Variants in SEZ6 observed in about 807,000 individuals in gnomAD.
SEZ6 encodes the protein seizure related 6 homolog, also known as seizure protein 6 homolog.
SEZ6 carries 53 observed loss-of-function variants against 101.0 expected under a neutral mutation model. The observed-to-expected ratio is 0.52, with a 90% confidence interval of 0.42 to 0.66. The LOEUF (loss-of-function observed/expected upper bound fraction) is 0.66, where lower values mean the gene tolerates loss of function less well. Ranked by LOEUF, SEZ6 falls within the 30% of genes least tolerant of loss-of-function variation. The probability of loss-of-function intolerance (pLI) is 0.00; values close to 1 mark genes in which losing one functional copy is unlikely to be tolerated. For missense variants in SEZ6, 1,102 were observed against 1,289.4 expected (o/e 0.85, Z 2.23); for synonymous variants, 488 against 512.2 (o/e 0.95, Z 0.64).
intron 3 of SEZ6, among the ~76,000 whole-genome samples, chr17:28,978,453 G>A (rs112186116): frequency 3.3e-5 from 5 of 152,338 alleles, no homozygotes; most frequent in African/African-American, 1.2e-4. Context: ...AGCTAAGATG[G>A]GGGATGCCCC....
At chr17:28,993,472 G>C (rs2041492944) in intron 1 of SEZ6, among the ~76,000 whole-genome samples, 1 of 152,222 alleles carries the variant, frequency 6.6e-6, no homozygotes, top group Non-Finnish European at 1.5e-5. Context: ...CAGCAGCAGA[G>C]ACCATATTTC....
Position 28,956,427 on chromosome 17 carries a change from G to A in SEZ6, c.2772C>T (p.Ala924=), listed in dbSNP as rs1291567480. 6.4e-7 allele frequency: 1 copy of A among 1,564,254 alleles called. No individual in the cohort carries two copies. Among genetic ancestry groups the A allele is most frequent in the Admixed American group, 1.9e-5 (1 of 52,534 alleles). ...GCAAGAAGATGGCAGCTGCAATGTG[G>A]GCAGCATCCAGGGTGCTGGAGGCAG... ...APAASSTLDA[A]HIAAAIFLPL... Residue 924 remains alanine (A), a synonymous_variant, in exon 15 of 17, where the codon GCC becomes GCT. Coordinates refer to ENST00000317338, the MANE Select transcript of SEZ6 (RefSeq NM_178860.5).
chr17:28,979,285 A>T (rs2041265292), intron 3 of SEZ6, among the ~76,000 whole-genome samples: 1 of 152,194 alleles, frequency 6.6e-6, no homozygotes, highest in South Asian at 2.1e-4. Context: ...TCTGCATCCC[A>T]GAAGCCAGCA....
Position 28,958,139 on chromosome 17 carries a change from C to T in SEZ6, c.2110G>A (p.Val704Met), listed in dbSNP as rs1163868946. Reference protein sequence around the residue: ...QQGFVIHFFEVPRNDTCPELP... With the variant: ...QQGFVIHFFEMPRNDTCPELP... ...TCCGGACATGTGTCATTGCGGGGCA[C>T]CTCTGGGGGCACAGAGGCACAAGAT... The change falls in exon 11 of 17, where the codon GTG (valine) becomes ATG (methionine). Residue 704 changes from valine to methionine, a missense_variant and splice_region_variant. By Grantham distance (21) the Val-to-Met change is conservative. Transcript: ENST00000317338. The T allele has an allele frequency of 3.3e-5, 52 of 1,587,684 alleles. No individual in the cohort carries two copies. Among genetic ancestry groups the T allele is most frequent in the Non-Finnish European group, 4.4e-5 (51 of 1,160,032 alleles).
At position 28,981,769 on chromosome 17, in the gene SEZ6, C is replaced by T. The variant is rs779094846; in HGVS notation, c.326G>A (p.Arg109His). 20 of 1,611,634 alleles carry T rather than the reference C, an allele frequency of 1.2e-5. No individual in the cohort carries two copies. The highest frequency in any genetic ancestry group is 1.6e-4 in the Middle Eastern group (1 of 6,064). Reference protein sequence around the residue: ...PAPFTPSPLPRLANQDSRPVF... With the variant: ...PAPFTPSPLPHLANQDSRPVF... ...AGGGCGGCTGTCCTGGTTGGCCAGGCGGGGAAGGGGACTTGGGGTGAAGGG... is the reference window on the plus strand; with the variant it reads ...AGGGCGGCTGTCCTGGTTGGCCAGGTGGGGAAGGGGACTTGGGGTGAAGGG... The change falls in exon 2 of 17, where the codon CGC becomes CAC. Residue 109 changes from arginine to histidine, a missense_variant. Arg to His is a conservative substitution (Grantham distance 29, BLOSUM62 0). This residue lies in a region of SEZ6 where 406 missense variants were observed against 418.6 expected (regional missense o/e 0.97). Transcript: ENST00000317338.
chr17:28,961,912 G>T (rs187248009), intron 5 of SEZ6, among the ~76,000 whole-genome samples: 1 of 152,320 alleles, frequency 6.6e-6, no homozygotes, highest in African/African-American at 2.4e-5. Flanking sequence ...ACCTAGTAAA[G>T]CTCCTGGGGG....
chr17:28,955,417 A>G lies in SEZ6; in HGVS notation c.*545T>C, dbSNP rs1216429040. 5.9e-6 allele frequency: 2 copies of G among 339,620 alleles called. No homozygotes were observed. The highest frequency in any genetic ancestry group is 1.2e-5 in the Non-Finnish European group (2 of 170,358). 21.0% of individuals were successfully genotyped at this position (339,620 alleles called of 1,614,324 possible). A position where few individuals can be genotyped will look rare whatever the true frequency, so the allele number is the denominator to read the frequency against. ...CCACTGGGACAGGGCAGGAGGCAGAACTGTCCAGAACTTTAGAGAACTAGA... is the reference window on the plus strand; with the variant it reads ...CCACTGGGACAGGGCAGGAGGCAGAGCTGTCCAGAACTTTAGAGAACTAGA... On this transcript the variant is annotated 3_prime_UTR_variant, in exon 17 of 17. Transcript: ENST00000317338.
chr17:28,995,350 G>T (rs532756391), intron 1 of SEZ6, among the ~76,000 whole-genome samples: 2 of 152,076 alleles, frequency 1.3e-5, no homozygotes, highest in Non-Finnish European at 2.9e-5. Context: ...ATGTATGTGG[G>T]GGGGGGTGCA....
Position 28,957,081 on chromosome 17 carries a change from A to G in SEZ6, c.2656T>C (p.Ser886Pro). The G allele has an allele frequency of 6.2e-7, 1 of 1,608,308 alleles. No homozygotes were observed. Among genetic ancestry groups the G allele is most frequent in the Non-Finnish European group, 8.5e-7 (1 of 1,175,790 alleles). Residue 886 changes from serine to proline, a missense_variant, in exon 13 of 17, where the codon TCG (serine) becomes CCG (proline). This residue lies in a region of SEZ6 where 140 missense variants were observed against 135.7 expected (regional missense o/e 1.03). Coordinates refer to ENST00000317338, the MANE Select transcript of SEZ6 (RefSeq NM_178860.5). ...ATGGGTGGGGGGTCACTCCAATGCGAGGGGTGCCCAGGCACACACTTGATG... is the reference window on the plus strand; with the variant it reads ...ATGGGTGGGGGGTCACTCCAATGCGGGGGGTGCCCAGGCACACACTTGATG... ...ASIKCVPGHP[S>P]HWSDPPPICR...
chr17:28,990,088 CAAA>C (rs769598462), intron 1 of SEZ6, among the ~76,000 whole-genome samples: 4 of 151,502 alleles, frequency 2.6e-5, no homozygotes, highest in Admixed American at 6.6e-5. Context: ...CACACACACA[CAAA>C]AAAAAGAATG....
At chr17:28,970,094 T>G (rs2041130351) in intron 3 of SEZ6, 142 bp from the exon 4 acceptor site, 1 of 703,846 alleles carries the variant, frequency 1.4e-6, no homozygotes. Flanking sequence ...GGCCCTGAGC[T>G]GGGCACTTCA....
chr17:28,959,533 C>A lies in SEZ6; in HGVS notation c.1772-61G>T. ...AGCTTACCATGGTGTTGCTTACCAT[C>A]TGCCCGCAGGAGTGCCCACAAATTG... is the stretch of plus-strand genomic sequence containing the variant. On this transcript the variant is annotated intron_variant, in intron 8 of 16. Coordinates refer to ENST00000317338, the MANE Select transcript of SEZ6 (RefSeq NM_178860.5). This position sits in a 1 kb window ranked among gnomAD's most constrained non-coding sequence, Gnocchi z 4.4. 6.3e-7 allele frequency: 1 copy of A among 1,588,312 alleles called. No individual in the cohort carries two copies. The highest frequency in any genetic ancestry group is 1.1e-5 in the South Asian group (1 of 89,178).
chr17:28,963,835 G>C, intron 5 of SEZ6, 127 bp downstream of exon 5: 5 of 1,091,974 alleles, frequency 4.6e-6, no homozygotes, highest in Non-Finnish European at 6.7e-6. Flanking sequence ...ATGCCACTGA[G>C]GTGCATGGCC....
intron 3 of SEZ6, among the ~76,000 whole-genome samples, chr17:28,974,073 C>G (rs1385811295): frequency 2.6e-5 from 4 of 152,204 alleles, no homozygotes; most frequent in African/African-American, 9.7e-5. Flanking sequence ...CTCATCTGCC[C>G]TGTCTGTCCC....
rs1173709305 is a variant in SEZ6 at position 28,957,340 on chromosome 17, A to T, written c.2494+8T>A. 6.2e-7 allele frequency: 1 copy of T among 1,610,974 alleles called. No homozygotes were observed. Among genetic ancestry groups the T allele is most frequent in the Admixed American group, 1.7e-5 (1 of 59,946 alleles). On this transcript the variant is annotated splice_region_variant and intron_variant, in intron 12 of 16. Transcript: ENST00000317338. ...AGAGGTTTTCCCTCCTACTCAATTG[A>T]CACTTACGGAGACATTTAGGGGCCC...
Position 28,960,932 on chromosome 17 carries a change from T to C in SEZ6, c.1282A>G (p.Ile428Val). ...GVIRNATTGR[I>V]VSPGFPGNYS... is the part of the protein sequence containing the mutation. ...TTGCCCGGGAAGCCTGGAGAGACGA[T>C]GCGGCCGGTGGTGGCATTGCGGATC... The change falls in exon 6 of 17, where the codon ATC becomes GTC. Residue 428 changes from isoleucine to valine, a missense_variant. By Grantham distance (29) the Ile-to-Val change is conservative. Transcript: ENST00000317338. 1 of 1,613,854 alleles carries C rather than the reference T, an allele frequency of 6.2e-7. No homozygotes were observed. The highest frequency in any genetic ancestry group is 8.5e-7 in the Non-Finnish European group (1 of 1,179,830).
Position 28,955,948 on chromosome 17 carries a change from C to T in SEZ6, c.*14G>A. 6.2e-7 allele frequency: 1 copy of T among 1,611,690 alleles called. No individual in the cohort carries two copies. Among genetic ancestry groups the T allele is most frequent in the Non-Finnish European group, 8.5e-7 (1 of 1,178,982 alleles). ...AGTTGACTTCCCTAGACTGCCCCCA[C>T]CTAGATGGAGACTTCATATTCTCTC... On this transcript the variant is annotated 3_prime_UTR_variant, in exon 17 of 17. Transcript: ENST00000317338.
Position 28,955,767 on chromosome 17 carries a change from A to G in SEZ6, c.*195T>C. On this transcript the variant is annotated 3_prime_UTR_variant, in exon 17 of 17. Coordinates refer to ENST00000317338, the MANE Select transcript of SEZ6 (RefSeq NM_178860.5). The stretch of plus-strand genomic sequence containing the variant: ...CCCAATGAAGGGCCCCAAGTGGGCA[A>G]TGACACCAAGAAAATAGGCCATGGT... 1.4e-6 allele frequency: 1 copy of G among 727,066 alleles called. No individual in the cohort carries two copies. The highest frequency in any genetic ancestry group is 1.5e-5 in the South Asian group (1 of 67,242). 45.0% of individuals were successfully genotyped at this position (727,066 alleles called of 1,614,324 possible).
In SEZ6 at chr17:28,959,057, C is replaced by T. The variant is rs773577558; in HGVS notation, c.2075G>A (p.Gly692Asp). Residue 692 changes from glycine (G) to aspartate (D), a missense_variant, in exon 10 of 17, where the codon GGC (glycine) becomes GAC (aspartate). Gly to Asp is a moderately conservative substitution (Grantham distance 94). Transcript: ENST00000317338. The surrounding 1 kb of genome is among the most constrained non-coding windows in gnomAD (Gnocchi z 4.4). Reference protein sequence around the residue: ...FQSDPGTSVLGYQQGFVIHFF... With the variant: ...FQSDPGTSVLDYQQGFVIHFF... ...GTGGATGACGAAGCCCTGCTGGTAG[C>T]CCAGCACTGAGGTCCCGGGGTCCGA... is the stretch of plus-strand genomic sequence containing the variant. 2 of 1,613,728 alleles carry T rather than the reference C, an allele frequency of 1.2e-6. No individual in the cohort carries two copies. The highest frequency in any genetic ancestry group is 1.7e-6 in the Non-Finnish European group (2 of 1,179,742).
Sources: allele counts gnomAD v4.1 joint callset (sites outside exome capture counted in the v4.1 genomes callset), GRCh38; gene constraint gnomAD v4.1.1; regional missense constraint gnomAD v4.1.1; non-coding constraint Gnocchi (gnomAD v3.1); transcripts MANE v1.5; gene names NCBI Gene and HGNC (gene_info 2026-07-23, HGNC 2026-07-21).